TFPI: variants seen among roughly 807,000 people sequenced by gnomAD.
TFPI encodes the protein tissue factor pathway inhibitor.
In TFPI, 15 loss-of-function variants were observed where a neutral mutation model predicts 34.6. The ratio of observed to expected loss-of-function variants is 0.43; its 90% confidence interval spans 0.29 to 0.67. The LOEUF (loss-of-function observed/expected upper bound fraction) is 0.67. Among genes scored for constraint, TFPI ranks in the 30% least tolerant of loss-of-function variants. TFPI has a pLI of 0.15. For synonymous variants in TFPI, 105 were observed against 120.1 expected (o/e 0.87, Z 0.82); for missense variants, 301 against 364.0 (o/e 0.83, Z 1.41).
chr2:187,522,581 A>C (rs1687440033), intron 1 of TFPI, among the ~76,000 whole-genome samples: 1 of 151,908 alleles, frequency 6.6e-6, no homozygotes, highest in Non-Finnish European at 1.5e-5. Flanking sequence ...AAACAAACAG[A>C]AAACGAAAAC....
intron 6 of TFPI, among the ~76,000 whole-genome samples, chr2:187,470,365 A>C (rs528003573): frequency 1.3e-5 from 2 of 152,310 alleles, no homozygotes; most frequent in African/African-American, 4.8e-5. Flanking sequence ...CTTTTCCCAC[A>C]TACAACCTAT....
rs8176600 is a variant in TFPI, at chr2:187,494,556, T to C, written c.319+2325A>G. Among the ~76,000 whole-genome samples the C allele has an allele frequency of 4.3e-3, 662 of 152,242 alleles. 6 individuals carry two copies. Among genetic ancestry groups the C allele is most frequent in the South Asian group, 0.017 (83 of 4,822 alleles). ...ACATTTTGTCCAGTTTTATAGTTCT[T>C]TATGTTGGGGAGAGAAAGTCTTGTT... On this transcript the variant is annotated intron_variant, in intron 3 of 7. Coordinates refer to ENST00000233156, the MANE Select transcript of TFPI (RefSeq NM_006287.6).
intron 1 of TFPI, among the ~76,000 whole-genome samples, chr2:187,522,754 G>A (rs1246916255): frequency 1.4e-5 from 2 of 147,448 alleles, no homozygotes; most frequent in South Asian, 2.1e-4. Flanking sequence ...ACCCAGGCAC[G>A]GTGGTGGGCG....
At chr2:187,538,276 A>G (rs1456318104) in intron 1 of TFPI, among the ~76,000 whole-genome samples, 1 of 152,250 alleles carries the variant, frequency 6.6e-6, no homozygotes, top group Admixed American at 6.5e-5. Flanking sequence ...CTATAAAGAC[A>G]TATGCACAAG....
chr2:187,538,983 T>C (rs1688421220), intron 1 of TFPI, among the ~76,000 whole-genome samples: 1 of 152,256 alleles, frequency 6.6e-6, no homozygotes, highest in South Asian at 2.1e-4. Flanking sequence ...TTGAATAATA[T>C]TAATATATAT....
At chr2:187,514,110 C>T (rs1686833943) in intron 1 of TFPI, 1 of 152,194 alleles carries the variant, frequency 6.6e-6, no homozygotes, top group African/African-American at 2.4e-5. Flanking sequence ...GGATGGACTT[C>T]CCCAACCGGT....
At chr2:187,524,010 T>A (rs1687553255) in intron 1 of TFPI, among the ~76,000 whole-genome samples, 1 of 152,138 alleles carries the variant, frequency 6.6e-6, no homozygotes, top group Non-Finnish European at 1.5e-5. Flanking sequence ...ATATAATATC[T>A]GGCCTACTAT....
At chr2:187,511,493 A>G (rs1001672222) in intron 1 of TFPI, among the ~76,000 whole-genome samples, 16 of 152,164 alleles carry the variant, frequency 1.1e-4, no homozygotes, top group Non-Finnish European at 2.2e-4. Context: ...AGCATGGGTC[A>G]GGCACAAAGT....
intron 1 of TFPI, among the ~76,000 whole-genome samples, chr2:187,552,956 T>C (rs933144902): frequency 1.3e-5 from 2 of 152,142 alleles, no homozygotes; most frequent in Non-Finnish European, 2.9e-5. Context: ...TGATCCCTAA[T>C]TATATTTCAT....
chr2:187,539,771 G>A (rs915493045), intron 1 of TFPI, among the ~76,000 whole-genome samples: 2 of 152,030 alleles, frequency 1.3e-5, no homozygotes, highest in Admixed American at 6.6e-5. Context: ...AGGAGAGGAG[G>A]GATTGTTAAT....
At chr2:187,473,598 G>A (rs1692186092) in intron 6 of TFPI, among the ~76,000 whole-genome samples, 1 of 152,046 alleles carries the variant, frequency 6.6e-6, no homozygotes. Flanking sequence ...GTGTCCTGAG[G>A]TAATAGATAA....
intron 1 of TFPI, chr2:187,513,569 AG>A (rs928360380): frequency 2.1e-4 from 32 of 152,620 alleles, no homozygotes; most frequent in African/African-American, 7.5e-4. Flanking sequence ...TCCAGCCTAA[AG>A]ATCACATAAG....
intron 1 of TFPI, among the ~76,000 whole-genome samples, chr2:187,511,446 T>C (rs1686625851): frequency 6.6e-6 from 1 of 152,182 alleles, no homozygotes; most frequent in Non-Finnish European, 1.5e-5. Context: ...ACTTGTTCTT[T>C]GTTTTGCGGT....
chr2:187,477,333 C>T (rs1356968249), intron 6 of TFPI, among the ~76,000 whole-genome samples: 1 of 152,124 alleles, frequency 6.6e-6, no homozygotes, highest in Non-Finnish European at 1.5e-5. Flanking sequence ...ATATGAGGCT[C>T]CAGATTTACT....
rs1325093623 is a variant in TFPI, at chr2:187,496,953, T to C, written c.247A>G (p.Ile83Val). 2.5e-6 allele frequency: 4 copies of C among 1,613,420 alleles called. No homozygotes were observed. Among genetic ancestry groups the C allele is most frequent in the Non-Finnish European group, 3.4e-6 (4 of 1,179,518 alleles). Residue 83 changes from isoleucine to valine, a missense_variant, in exon 3 of 8, where the codon ATA becomes GTA. Coordinates refer to ENST00000233156, the MANE Select transcript of TFPI (RefSeq NM_006287.6). ...TGATTTCCTTCACATCCCCCATATA[T>C]AAATTCTTCGCACTGTCGAGTGAAA... ...NIFTRQCEEFIYGGCEGNQNR... is the reference protein window; with the variant it reads ...NIFTRQCEEFVYGGCEGNQNR...
chr2:187,543,699 G>A (rs557799166), intron 1 of TFPI, among the ~76,000 whole-genome samples: 1 of 152,188 alleles, frequency 6.6e-6, no homozygotes, highest in Non-Finnish European at 1.5e-5. Flanking sequence ...TAATCATGGT[G>A]ATTCCATTAA....
chr2:187,540,905 AAAG>A (rs1305768138), intron 1 of TFPI, among the ~76,000 whole-genome samples: 6 of 151,292 alleles, frequency 4.0e-5, no homozygotes, highest in Admixed American at 2.6e-4. Context: ...AAAAAAAAAA[AAAG>A]AAAAAAGAAA....
At chr2:187,496,690 G>A (rs1157654433) in intron 3 of TFPI, among the ~76,000 whole-genome samples, 191 bp downstream of exon 3, 2 of 151,790 alleles carry the variant, frequency 1.3e-5, no homozygotes, top group African/African-American at 4.8e-5. Flanking sequence ...GGTATTTCAT[G>A]GTACAATTCA....
chr2:187,498,030 A>T (rs1244437975), intron 2 of TFPI, among the ~76,000 whole-genome samples: 1 of 151,832 alleles, frequency 6.6e-6, no homozygotes, highest in Non-Finnish European at 1.5e-5. Flanking sequence ...GGAATATTGA[A>T]ACCTATAAAT....
Sources: allele counts gnomAD v4.1 joint callset (sites outside exome capture counted in the v4.1 genomes callset), GRCh38; gene constraint gnomAD v4.1.1; transcripts MANE v1.5; gene names NCBI Gene and HGNC (gene_info 2026-07-23, HGNC 2026-07-21).